C10orf90: variants seen among roughly 807,000 people sequenced by gnomAD.
C10orf90 encodes the protein (E2-independent) E3 ubiquitin-conjugating enzyme FATS.
In C10orf90, 56 loss-of-function variants were observed where a neutral mutation model predicts 62.5. The observed-to-expected ratio is 0.90, with a 90% CI of 0.72 to 1.12. C10orf90 has a LOEUF of 1.12. Ranked by LOEUF, C10orf90 falls within the 50% of genes most tolerant of loss-of-function variation. C10orf90 has a pLI of 0.00. For synonymous variants in C10orf90, 386 were observed against 340.4 expected, an observed-to-expected ratio of 1.13 and a Z score of -1.47; for missense variants, 970 against 880.4, an observed-to-expected ratio of 1.10 and a Z score of -1.29.
intron 7 of C10orf90, among the ~76,000 whole-genome samples, chr10:126,438,729 T>C (rs559304067): frequency 7.2e-6 from 1 of 139,222 alleles, no homozygotes; most frequent in Admixed American, 7.4e-5. Flanking sequence ...TGTGTGTATA[T>C]GTATACATGT....
At chr10:126,517,961 T>C (rs1863531507) in intron 2 of C10orf90, among the ~76,000 whole-genome samples, 1 of 151,410 alleles carries the variant, frequency 6.6e-6, no homozygotes, top group African/African-American at 2.4e-5. Context: ...CTCTGCCTTT[T>C]ATGCTCCAGA....
rs1202117661 is a variant in C10orf90 at position 126,456,738 on chromosome 10, A to G, written c.2188+2302T>C. On this transcript the variant is annotated intron_variant, in intron 7 of 9. Transcript: ENST00000488181. The surrounding 1 kb of genome is among the most constrained non-coding windows in gnomAD (Gnocchi z 4.9). ...GTCTTTATGAGAAAAGGAAATTTGAACATAGAGACACAGACGCAGGGAGGA... is the reference window on the plus strand; with the variant it reads ...GTCTTTATGAGAAAAGGAAATTTGAGCATAGAGACACAGACGCAGGGAGGA... Among the ~76,000 whole-genome samples the G allele has an allele frequency of 6.6e-6, 1 of 152,122 alleles. No individual in the cohort carries two copies. The highest frequency in any genetic ancestry group is 1.5e-5 in the Non-Finnish European group (1 of 68,022).
chr10:126,557,186 T>C (rs1358019696), intron 2 of C10orf90, among the ~76,000 whole-genome samples: 1 of 151,770 alleles, frequency 6.6e-6, no homozygotes, highest in African/African-American at 2.4e-5. Context: ...CCATTCAGAT[T>C]AAGAAATAAA....
chr10:126,482,476 T>C (rs1861219441), intron 4 of C10orf90, among the ~76,000 whole-genome samples: 1 of 152,176 alleles, frequency 6.6e-6, no homozygotes, highest in Non-Finnish European at 1.5e-5. Flanking sequence ...CTTGACTAAT[T>C]CCAACTTCAC....
intron 4 of C10orf90, among the ~76,000 whole-genome samples, chr10:126,468,167 C>A (rs1190121798): frequency 6.6e-6 from 1 of 151,594 alleles, no homozygotes; most frequent in African/African-American, 2.4e-5. Flanking sequence ...CTTCCGGGTT[C>A]AAGCAATTCT....
chr10:126,624,659 T>C (rs1235068368), intron 2 of C10orf90, among the ~76,000 whole-genome samples: 1 of 152,168 alleles, frequency 6.6e-6, no homozygotes, highest in Non-Finnish European at 1.5e-5. Flanking sequence ...CCTGAGATTG[T>C]TTTATTTCCT....
intron 2 of C10orf90, among the ~76,000 whole-genome samples, chr10:126,607,676 T>C (rs1845342517): frequency 6.6e-6 from 1 of 152,150 alleles, no homozygotes; most frequent in South Asian, 2.1e-4. Context: ...ATTTAGAAGA[T>C]GGGTATAACT....
At chr10:126,656,433 G>A (rs1225840431) in intron 1 of C10orf90, among the ~76,000 whole-genome samples, 1 of 152,180 alleles carries the variant, frequency 6.6e-6, no homozygotes, top group East Asian at 1.9e-4. Context: ...AGGCAGCTAA[G>A]AGTCCATGAA....
chr10:126,487,664 G>A (rs1051319685), intron 4 of C10orf90, among the ~76,000 whole-genome samples: 2 of 152,068 alleles, frequency 1.3e-5, no homozygotes, highest in African/African-American at 2.4e-5. Flanking sequence ...ACCACCAAAA[G>A]TCCCTCCACT....
chr10:126,609,885 T>A (rs1298068111), intron 2 of C10orf90, among the ~76,000 whole-genome samples: 1 of 152,144 alleles, frequency 6.6e-6, no homozygotes, highest in Non-Finnish European at 1.5e-5. Context: ...CCCAGTGTAA[T>A]GAGATCAGGA....
Position 126,555,256 on chromosome 10 carries a change from G to A in C10orf90, c.314-41317C>T, listed in dbSNP as rs531700157. On this transcript the variant is annotated intron_variant, in intron 2 of 9. Transcript: ENST00000488181. ...GGGATAAATGGATTGGGCTTTGGTAGCAGAGGGGTGAGGAGTAGGAAATGA... is the reference window on the plus strand; with the variant it reads ...GGGATAAATGGATTGGGCTTTGGTAACAGAGGGGTGAGGAGTAGGAAATGA... Among the ~76,000 whole-genome samples the A allele has an allele frequency of 8.5e-5, 13 of 152,240 alleles. No individual in the cohort carries two copies. In the South Asian group the frequency reaches 2.7e-3, roughly 32 times the overall value.
At chr10:126,654,261 C>T (rs1846348948) in intron 1 of C10orf90, among the ~76,000 whole-genome samples, 1 of 152,222 alleles carries the variant, frequency 6.6e-6, no homozygotes, top group Non-Finnish European at 1.5e-5. Flanking sequence ...CATCGTCTTC[C>T]AGTAGAAGGC....
At position 126,456,130 on chromosome 10, in the gene C10orf90, A is replaced by C. The variant is rs1859556829; in HGVS notation, c.2188+2910T>G. 6.6e-6 allele frequency among the ~76,000 whole-genome samples: 1 copy of C among 152,212 alleles called. No homozygotes were observed. Among genetic ancestry groups the C allele is most frequent in the Non-Finnish European group, 1.5e-5 (1 of 68,030 alleles). On this transcript the variant is annotated intron_variant, in intron 7 of 9. Coordinates refer to ENST00000488181, the MANE Select transcript of C10orf90 (RefSeq NM_001350921.2). The surrounding 1 kb of genome is among the most constrained non-coding windows in gnomAD (Gnocchi z 4.9). ...TGAACTAATTTAGCAAGTAAGAAAA[A>C]CATCTGCATTTTGCTTTTATCATCT...
chr10:126,531,575 A>T (rs1372729722), intron 2 of C10orf90, among the ~76,000 whole-genome samples: 1 of 152,238 alleles, frequency 6.6e-6, no homozygotes, highest in Non-Finnish European at 1.5e-5. Flanking sequence ...GAACAACTGG[A>T]TATTCCACTG....
intron 2 of C10orf90, among the ~76,000 whole-genome samples, chr10:126,533,073 C>T (rs567415582): frequency 1.3e-5 from 2 of 151,372 alleles, no homozygotes; most frequent in African/African-American, 4.8e-5. Flanking sequence ...GCTGGGACTA[C>T]AGGAACCCGC....
chr10:126,624,053 A>C (rs1395757605), intron 2 of C10orf90, among the ~76,000 whole-genome samples: 1 of 152,186 alleles, frequency 6.6e-6, no homozygotes, highest in Non-Finnish European at 1.5e-5. Context: ...AATAGGTATC[A>C]GAATCCAACT....
Position 126,453,443 on chromosome 10 carries a change from A to T in C10orf90, c.2188+5597T>A, listed in dbSNP as rs560834911. Reference sequence around the variant, plus strand: ...ATGGGAGTGAGAGGAGAGGAGAGGGAGTGAAGGGGAGAAAGAAGGATGGGA... The same window carrying T: ...ATGGGAGTGAGAGGAGAGGAGAGGGTGTGAAGGGGAGAAAGAAGGATGGGA... On this transcript the variant is annotated intron_variant, in intron 7 of 9. Transcript: ENST00000488181. This position sits in a 1 kb window ranked among gnomAD's most constrained non-coding sequence, Gnocchi z 4.9. Among the ~76,000 whole-genome samples, 183 of 152,148 alleles carry T rather than the reference A, an allele frequency of 1.2e-3. No homozygotes were observed. Among genetic ancestry groups the T allele is most frequent in the African/African-American group, 4.3e-3 (178 of 41,526 alleles).
chr10:126,547,538 G>A (rs1323780406), intron 2 of C10orf90, among the ~76,000 whole-genome samples: 1 of 140,584 alleles, frequency 7.1e-6, no homozygotes, highest in East Asian at 2.0e-4. Context: ...ACACTGAGAG[G>A]ACAAACACAC....
In C10orf90 at chr10:126,426,060, C is replaced by A. The variant is rs1016007416; in HGVS notation, c.2283G>T (p.Lys761Asn). ...CCCTTTTCCTTTGTTCTTCTTTTTTCTTTTTAACTTCCGGCAAGTTATCAT... is the reference window on the plus strand; with the variant it reads ...CCCTTTTCCTTTGTTCTTCTTTTTTATTTTTAACTTCCGGCAAGTTATCAT... ...RIYDNLPEVK[K>N]KKEEQRKRVI... Residue 761 changes from lysine to asparagine, a missense_variant, in exon 9 of 10, where the codon AAG becomes AAT. Lys to Asn is a moderately conservative substitution (Grantham distance 94). Transcript: ENST00000488181. 1.9e-6 allele frequency: 3 copies of A among 1,614,012 alleles called. No homozygotes were observed. The highest frequency in any genetic ancestry group is 1.1e-5 in the South Asian group (1 of 91,076).
Sources: allele counts gnomAD v4.1 joint callset (sites outside exome capture counted in the v4.1 genomes callset), GRCh38; gene constraint gnomAD v4.1.1; non-coding constraint Gnocchi (gnomAD v3.1); transcripts MANE v1.5; gene names NCBI Gene and HGNC (gene_info 2026-07-23, HGNC 2026-07-21).